Variants in SYT1 observed in about 807,000 individuals in gnomAD.
SYT1 encodes synaptotagmin-1.
Under a neutral mutation model 44.8 loss-of-function variants are expected in SYT1, and 8 were observed. The observed-to-expected ratio is 0.18, with a 90% CI of 0.10 to 0.32. The LOEUF is 0.32. Among genes scored for constraint, SYT1 ranks in the 10% least tolerant of loss-of-function variants. The pLI is 1.00. For missense variants in SYT1, 286 were observed against 509.3 expected, an observed-to-expected ratio of 0.56 and a Z score of 4.22; for synonymous variants, 154 against 188.8, an observed-to-expected ratio of 0.82 and a Z score of 1.51.
intron 3 of SYT1, among the ~76,000 whole-genome samples, chr12:79,192,099 C>G (rs1873164672): frequency 6.6e-6 from 1 of 151,900 alleles, no homozygotes; most frequent in Non-Finnish European, 1.5e-5. Context: ...TTGGCAAGAA[C>G]CTGAAATGAA....
At chr12:78,994,261 T>C (rs1220835896) in intron 2 of SYT1, among the ~76,000 whole-genome samples, 1 of 152,160 alleles carries the variant, frequency 6.6e-6, no homozygotes, top group Non-Finnish European at 1.5e-5. Context: ...TAAGTGAGCC[T>C]TTATCATTTC....
chr12:79,255,182 T>C lies in SYT1; in HGVS notation c.167-30605T>C, dbSNP rs148245021. 4.4e-3 allele frequency among the ~76,000 whole-genome samples: 673 copies of C among 152,246 alleles called. 1 individual carries two copies. Among genetic ancestry groups the C allele is most frequent in the African/African-American group, 0.015 (640 of 41,536 alleles). ...GCAGCAAACTTCATAGTTATCTTAT[T>C]TTAAGAAATTGCCACAGCCACCCCA... On this transcript the variant is annotated intron_variant, in intron 4 of 10. Coordinates refer to ENST00000261205, the MANE Select transcript of SYT1 (RefSeq NM_005639.3).
At chr12:79,394,107 AT>A (rs2136101123) in intron 9 of SYT1, among the ~76,000 whole-genome samples, 1 of 152,344 alleles carries the variant, frequency 6.6e-6, no homozygotes, top group Admixed American at 6.5e-5. Context: ...ATAATATGTC[AT>A]TTGTCTGTAA....
chr12:79,015,339 T>A (rs910624813), intron 2 of SYT1, among the ~76,000 whole-genome samples: 3 of 152,204 alleles, frequency 2.0e-5, no homozygotes, highest in African/African-American at 7.2e-5. Flanking sequence ...GACTCCAATT[T>A]AAATATGTTT....
intron 8 of SYT1, among the ~76,000 whole-genome samples, chr12:79,321,235 T>C (rs996077266): frequency 6.6e-6 from 1 of 152,132 alleles, no homozygotes; most frequent in Non-Finnish European, 1.5e-5. Context: ...TGGCCAAAAA[T>C]TTAAATCAAA....
At chr12:79,321,820 G>C (rs914818436) in intron 8 of SYT1, among the ~76,000 whole-genome samples, 5 of 152,138 alleles carry the variant, frequency 3.3e-5, no homozygotes, top group African/African-American at 1.2e-4. Context: ...AGTGCCCTGG[G>C]CTAGAATTTA....
chr12:79,141,461 C>T (rs1030297991), intron 3 of SYT1, among the ~76,000 whole-genome samples: 1 of 151,898 alleles, frequency 6.6e-6, no homozygotes, highest in African/African-American at 2.4e-5. Context: ...ATAAGCTATT[C>T]ATTTTGTTTT....
intron 4 of SYT1, among the ~76,000 whole-genome samples, chr12:79,256,378 T>C (rs1877517873): frequency 6.6e-6 from 1 of 152,246 alleles, no homozygotes; most frequent in Non-Finnish European, 1.5e-5. Context: ...CTGCAGAATC[T>C]TGTAGCTCCA....
intron 8 of SYT1, among the ~76,000 whole-genome samples, chr12:79,300,633 C>CTGG (rs533928028): frequency 6.6e-4 from 100 of 151,918 alleles, no homozygotes; most frequent in African/African-American, 2.4e-3. Flanking sequence ...ACTTTTCACT[C>CTGG]TAACATTGCT....
rs1236408393 is a variant in SYT1, at chr12:79,014,105, C to T, written c.-83-33192C>T. ...GTGCCACTGCACTCCAGCCTGGCAACAGAGTGAGACTCTCTCCAAAAAAAA... is the reference window on the plus strand; with the variant it reads ...GTGCCACTGCACTCCAGCCTGGCAATAGAGTGAGACTCTCTCCAAAAAAAA... On this transcript the variant is annotated intron_variant, in intron 2 of 10. Transcript: ENST00000261205. Among the ~76,000 whole-genome samples, 4 of 105,468 alleles carry T rather than the reference C, an allele frequency of 3.8e-5. No individual in the cohort carries two copies. In the South Asian group the frequency reaches 9.8e-4, roughly 26 times the overall value. 69.2% of individuals were successfully genotyped at this position (105,468 alleles called of 152,430 possible).
intron 6 of SYT1, among the ~76,000 whole-genome samples, chr12:79,293,167 A>C (rs1276772862): frequency 6.7e-6 from 1 of 150,032 alleles, no homozygotes; most frequent in African/African-American, 2.4e-5. Context: ...AAAAAAAAAA[A>C]AAAAAAATTA....
intron 1 of SYT1, among the ~76,000 whole-genome samples, chr12:78,867,348 A>G (rs1873597778): frequency 6.6e-6 from 1 of 152,098 alleles, no homozygotes; most frequent in South Asian, 2.1e-4. Context: ...AATTATAGAA[A>G]TAACATCTAA....
intron 3 of SYT1, among the ~76,000 whole-genome samples, chr12:79,201,963 C>T (rs1873814982): frequency 6.6e-6 from 1 of 152,022 alleles, no homozygotes; most frequent in Admixed American, 6.6e-5. Context: ...AAGAAATGAG[C>T]CAACTGCCTG....
In SYT1 at chr12:79,285,771, T is replaced by C. The variant is rs775002132; in HGVS notation, c.167-16T>C. The C allele has an allele frequency of 1.3e-6, 2 of 1,582,082 alleles. No individual in the cohort carries two copies. The highest frequency in any genetic ancestry group is 1.2e-5 in the South Asian group (1 of 86,466). On this transcript the variant is annotated splice_polypyrimidine_tract_variant and intron_variant, in intron 4 of 10. Transcript: ENST00000261205. ...TAAGTGTTGTATGACTAGTGCTCTCTGTGTGTTTCTTTCAGTGCCACCGTG... is the reference window on the plus strand; with the variant it reads ...TAAGTGTTGTATGACTAGTGCTCTCCGTGTGTTTCTTTCAGTGCCACCGTG...
intron 1 of SYT1, among the ~76,000 whole-genome samples, chr12:78,870,765 C>A (rs1315077086): frequency 6.6e-6 from 1 of 151,972 alleles, no homozygotes; most frequent in Non-Finnish European, 1.5e-5. Flanking sequence ...CTGGGCCATC[C>A]TCCTTGCATG....
intron 1 of SYT1, among the ~76,000 whole-genome samples, chr12:78,899,850 G>A (rs1232992849): frequency 6.6e-6 from 1 of 151,880 alleles, no homozygotes; most frequent in East Asian, 1.9e-4. Flanking sequence ...TTATTTTATA[G>A]GTAACACAAA....
At chr12:79,351,373 C>T (rs777516108) in intron 8 of SYT1, among the ~76,000 whole-genome samples, 4 of 151,920 alleles carry the variant, frequency 2.6e-5, no homozygotes, top group Non-Finnish European at 5.9e-5. Flanking sequence ...TTGCAATGCC[C>T]CTAAATTAAT....
At chr12:79,279,218 C>A (rs1322176806) in intron 4 of SYT1, among the ~76,000 whole-genome samples, 1 of 151,792 alleles carries the variant, frequency 6.6e-6, no homozygotes, top group Admixed American at 6.6e-5. Flanking sequence ...TAGGAAATGT[C>A]CCTGATGAAC....
At chr12:79,352,314 CAT>C (rs1353328820) in intron 8 of SYT1, among the ~76,000 whole-genome samples, 1 of 151,962 alleles carries the variant, frequency 6.6e-6, no homozygotes, top group Non-Finnish European at 1.5e-5. Context: ...GATAAAGACA[CAT>C]ATAGTCATAA....
Sources: gnomAD v4.1 joint callset for allele counts (sites outside exome capture counted in the v4.1 genomes callset) on GRCh38, gnomAD v4.1.1 for gene constraint, MANE v1.5 for transcripts, NCBI Gene and HGNC (gene_info 2026-07-23, HGNC 2026-07-21) for gene names.